Variants in VWF observed in about 807,000 individuals in gnomAD.
VWF encodes Factor VIII related antigen.
VWF carries 176 observed loss-of-function variants against 308.6 expected under a neutral mutation model. That is an observed-to-expected ratio of 0.57 (90% CI 0.50 to 0.65). The LOEUF is 0.65. Ranked by LOEUF, VWF falls within the 30% of genes least tolerant of loss-of-function variation. The pLI is 0.00. For synonymous variants in VWF, 1,385 were observed against 1,443.4 expected, an observed-to-expected ratio of 0.96 and a Z score of 0.92; for missense variants, 3,146 against 3,648.2, an observed-to-expected ratio of 0.86 and a Z score of 3.55.
intron 4 of VWF, 108 bp from the exon 5 acceptor site, chr12:6,110,690 A>G: frequency 1.4e-6 from 2 of 1,387,516 alleles, no homozygotes; most frequent in Non-Finnish European, 2.0e-6. Context: ...ACATGGTGCA[A>G]AGTGGCTGAG....
In VWF at chr12:6,057,855, GC is replaced by G; in HGVS notation, c.1722del (p.Arg575AlafsTer2). 6.2e-7 allele frequency: 1 copy of G among 1,607,198 alleles called. No individual in the cohort carries two copies. The highest frequency in any genetic ancestry group is 2.2e-5 in the East Asian group (1 of 44,770). ...TGCCCCCGGGTTCACATACTCATGC[GC>G]GGGTTGAGGGCGCAGGGATCGCTGT... Reference protein sequence around the residue: ...KQHSDPCALNPRMTRFSEEAC... With the variant: ...KQHSDPCALNXRMTRFSEEAC... On this transcript the variant is annotated frameshift_variant, in exon 14 of 52. Transcript: ENST00000261405. LOFTEE classifies it high-confidence loss of function.
Position 6,121,255 on chromosome 12 carries a change from C to T in VWF, c.139G>A (p.Asp47Asn). The T allele has an allele frequency of 6.2e-7, 1 of 1,614,212 alleles. No homozygotes were observed. The highest frequency in any genetic ancestry group is 8.5e-7 in the Non-Finnish European group (1 of 1,180,034). The change falls in exon 3 of 52, where the codon GAT becomes AAT. Residue 47 changes from aspartate (D) to asparagine (N), a missense_variant. Asp to Asn is a conservative substitution (Grantham distance 23, BLOSUM62 1). Transcript: ENST00000261405. ...CCCGCAAAGCTGTACATGCTCCCAT[C>T]AAAGGTGTTGACGAAGTCACTTCCG... ...LFGSDFVNTF[D>N]GSMYSFAGYC...
chr12:6,012,970 G>A (rs569155672), intron 32 of VWF, among the ~76,000 whole-genome samples: 3 of 152,118 alleles, frequency 2.0e-5, no homozygotes, highest in African/African-American at 7.2e-5. Flanking sequence ...CAAAGTGCTG[G>A]GATTACAGAC....
chr12:5,984,912 TCC>T, intron 40 of VWF, 131 bp downstream of exon 40: 1 of 913,754 alleles, frequency 1.1e-6, no homozygotes, highest in Admixed American at 1.9e-5. Context: ...TTTTGGAGTA[TCC>T]AGTCGGTCCT....
intron 47 of VWF, among the ~76,000 whole-genome samples, chr12:5,959,095 TAGGTGGGAGGCTG>T (rs375715001): frequency 2.6e-5 from 4 of 151,956 alleles, no homozygotes; most frequent in Non-Finnish European, 4.4e-5. Flanking sequence ...TAGTCTCAGC[TAGGTGGGAGGCTG>T]AGGTGGGAGA....
At chr12:6,017,235 A>C (rs1178985800) in intron 28 of VWF, among the ~76,000 whole-genome samples, 1 of 152,202 alleles carries the variant, frequency 6.6e-6, no homozygotes, top group East Asian at 1.9e-4. Context: ...AGACTGCAAA[A>C]GGAAATGGAG....
chr12:6,057,901 G>T lies in VWF; in HGVS notation c.1677C>A (p.Cys559Ter). The change falls in exon 14 of 52, where the codon TGC (cysteine) becomes TGA (stop). Residue 559 changes from cysteine to a stop codon, truncating the protein, a stop_gained. Coordinates refer to ENST00000261405, the MANE Select transcript of VWF (RefSeq NM_000552.5). LOFTEE classifies it high-confidence loss of function. Reference sequence around the variant, plus strand: ...CGCTGTGCTGCTTCTGCAGGTCCTGGCAGTCCCCGTGCAGCTTCCAGGCGT... The same window carrying T: ...CGCTGTGCTGCTTCTGCAGGTCCTGTCAGTCCCCGTGCAGCTTCCAGGCGT... Reference protein sequence around the residue: ...FGNAWKLHGDCQDLQKQHSDP... With the variant: ...FGNAWKLHGD 1 of 1,612,752 alleles carries T rather than the reference G, an allele frequency of 6.2e-7. No homozygotes were observed. Among genetic ancestry groups the T allele is most frequent in the Non-Finnish European group, 8.5e-7 (1 of 1,179,404 alleles).
chr12:5,993,466 C>A (rs370567954), intron 37 of VWF, among the ~76,000 whole-genome samples: 9 of 152,188 alleles, frequency 5.9e-5, no homozygotes, highest in African/African-American at 2.2e-4. Context: ...GGTGGAATTT[C>A]AAATTCAATG....
At chr12:5,967,631 C>A (rs1179105764) in intron 46 of VWF, 29 bp from the exon 47 acceptor site, 1 of 1,590,660 alleles carries the variant, frequency 6.3e-7, no homozygotes, top group Admixed American at 1.7e-5. Context: ...GGGTCAGGCC[C>A]CCCAGCATCC....
intron 42 of VWF, among the ~76,000 whole-genome samples, chr12:5,981,458 C>G (rs1943604391): frequency 6.6e-6 from 1 of 152,150 alleles, no homozygotes; most frequent in African/African-American, 2.4e-5. Context: ...AGGTAAAGAC[C>G]ATGTCCTGCA....
rs748392115 is a variant in VWF, at chr12:6,058,076, C to G, written c.1534-32G>C. The G allele has an allele frequency of 2.5e-6, 4 of 1,612,278 alleles. No homozygotes were observed. The Admixed American group carries it at 5.0e-5, about 20-fold the overall frequency. Reference sequence around the variant, plus strand: ...GAGAGACCAGGCCACTCTGGAGCCGCTGCCGCGAAAGCAGCGGCATAGTTG... The same window carrying G: ...GAGAGACCAGGCCACTCTGGAGCCGGTGCCGCGAAAGCAGCGGCATAGTTG... On this transcript the variant is annotated intron_variant, in intron 13 of 51. Transcript: ENST00000261405. The surrounding 1 kb of genome is among the most constrained non-coding windows in gnomAD (Gnocchi z 4.9).
rs752577539 is a variant in VWF, at chr12:6,056,891, G to A, written c.1911C>T (p.Gly637=). The change falls in exon 15 of 52, where the codon GGC becomes GGT. Residue 637 remains glycine, a synonymous_variant. Transcript: ENST00000261405. ...CTGGCTCGCGCCACGCGACGCGCACGCCTCTCCCCGCGCAGGCCGCGGCAT... is the reference window on the plus strand; with the variant it reads ...CTGGCTCGCGCCACGCGACGCGCACACCTCTCCCCGCGCAGGCCGCGGCAT... ...ASYAAACAGR[G]VRVAWREPGR... 63 of 1,512,404 alleles carry A rather than the reference G, an allele frequency of 4.2e-5. 1 individual carries two copies. The South Asian group carries it at 7.3e-4, about 17-fold the overall frequency. The allele number at this position is 1,512,404 out of a possible 1,614,324, so 93.7% of individuals were successfully genotyped here. A position where few individuals can be genotyped will look rare whatever the true frequency, so the allele number is the denominator to read the frequency against.
At chr12:5,983,519 C>CG (rs1943634657) in intron 40 of VWF, among the ~76,000 whole-genome samples, 2 of 117,942 alleles carry the variant, frequency 1.7e-5, no homozygotes, top group Non-Finnish European at 4.0e-5. Context: ...TAACTAGGTA[C>CG]ATTAGATAGA....
At chr12:5,979,724 T>C (rs1565816854) in intron 42 of VWF, among the ~76,000 whole-genome samples, 3 of 142,028 alleles carry the variant, frequency 2.1e-5, no homozygotes, top group Admixed American at 1.5e-4. Flanking sequence ...CACTCCAACC[T>C]GGCCACAGAG....
Position 5,981,809 on chromosome 12 carries a change from T to C in VWF, c.7264A>G (p.Thr2422Ala), listed in dbSNP as rs1189815687. The change falls in exon 42 of 52, where the codon ACA (threonine) becomes GCA (alanine). Residue 2422 changes from threonine to alanine, a missense_variant. Coordinates refer to ENST00000261405, the MANE Select transcript of VWF (RefSeq NM_000552.5). ...STATNDCGCT[T>A]TTCLPDKVCV... ...ACCTTGTCGGGAAGGCAGGTGGTTG[T>C]GGTACAGCCACAGTCATTGGTGGCA... 1.2e-6 allele frequency: 2 copies of C among 1,614,038 alleles called. No individual in the cohort carries two copies. Among genetic ancestry groups the C allele is most frequent in the African/African-American group, 1.3e-5 (1 of 74,932 alleles).
chr12:6,022,069 G>A (rs761843068), intron 26 of VWF, 34 bp from the exon 27 acceptor site: 15 of 1,613,408 alleles, frequency 9.3e-6, no homozygotes, highest in Admixed American at 1.7e-5. Context: ...GAACCAAAAC[G>A]CTCCCCTTTC....
chr12:6,034,030 G>A (rs538927324), intron 20 of VWF, among the ~76,000 whole-genome samples: 6 of 152,240 alleles, frequency 3.9e-5, no homozygotes, highest in Admixed American at 1.3e-4. Context: ...AGTGGGGAGT[G>A]GGAGGCAGAG....
chr12:5,952,109 C>T (rs1943198685), intron 49 of VWF, among the ~76,000 whole-genome samples: 1 of 152,192 alleles, frequency 6.6e-6, no homozygotes, highest in South Asian at 2.1e-4. Context: ...TCATCAGGAT[C>T]TTCATTCCCA....
At chr12:6,122,722 G>C (rs773792702) in intron 2 of VWF, 1 of 524,570 alleles carries the variant, frequency 1.9e-6, no homozygotes, top group Non-Finnish European at 3.8e-6. Context: ...CAGGAAGACT[G>C]ACCTCTGATT....
Sources: gnomAD v4.1 joint callset for allele counts (sites outside exome capture counted in the v4.1 genomes callset) on GRCh38, gnomAD v4.1.1 for gene constraint, Gnocchi (gnomAD v3.1) non-coding constraint, MANE v1.5 for transcripts, NCBI Gene and HGNC (gene_info 2026-07-23, HGNC 2026-07-21) for gene names.